The following ATAD3B variants were observed in gnomAD, a reference collection of about 807,000 sequenced individuals.
ATAD3B encodes the protein ATPase family AAA domain-containing protein 3B.
In ATAD3B, 59 loss-of-function variants were observed where a neutral mutation model predicts 70.2. That is an observed-to-expected ratio of 0.84 (90% CI 0.68 to 1.04). The LOEUF (loss-of-function observed/expected upper bound fraction) is 1.04. Among genes scored for constraint, ATAD3B ranks in the 50% least tolerant of loss-of-function variants. ATAD3B has a pLI of 0.00. For missense variants in ATAD3B, 961 were observed against 913.4 expected, an observed-to-expected ratio of 1.05 and a Z score of -0.67; for synonymous variants, 423 against 388.6, an observed-to-expected ratio of 1.09 and a Z score of -1.04.
intron 1 of ATAD3B, among the ~76,000 whole-genome samples, chr1:1,475,556 C>A (rs1466111998): frequency 6.6e-6 from 1 of 151,996 alleles, no homozygotes; most frequent in East Asian, 1.9e-4. Flanking sequence ...GGCTATAGCC[C>A]CATGCCGCCT....
intron 1 of ATAD3B, 135 bp downstream of exon 1, chr1:1,472,224 G>T (rs1293701370): frequency 6.3e-5 from 89 of 1,404,564 alleles, no homozygotes; most frequent in Non-Finnish European, 8.3e-5. Context: ...GAGCACCCCC[G>T]GCCGGAGCCG....
the ATAD3B span, among the ~76,000 whole-genome samples, chr1:1,505,481 T>TG: frequency 6.6e-6 from 1 of 152,112 alleles, no homozygotes; most frequent in Non-Finnish European, 1.5e-5. Context: ...CCACAAGAGG[T>TG]GGAGGAGTAG....
rs777194006 is a variant in ATAD3B, at chr1:1,488,415, A to G, written c.1266+501A>G. 2.0e-5 allele frequency among the ~76,000 whole-genome samples: 3 copies of G among 151,916 alleles called. 1 individual carries two copies. Among genetic ancestry groups the G allele is most frequent in the Non-Finnish European group, 4.4e-5 (3 of 67,938 alleles). On this transcript the variant is annotated intron_variant, in intron 12 of 15. Coordinates refer to ENST00000673477, the MANE Select transcript of ATAD3B (RefSeq NM_031921.6). ...TAATTTTTTTGTAACGTTAGTAGAGATGGAGTTTCCCACATTGTCCAGGCA... is the reference window on the plus strand; with the variant it reads ...TAATTTTTTTGTAACGTTAGTAGAGGTGGAGTTTCCCACATTGTCCAGGCA...
intron 13 of ATAD3B, chr1:1,489,747 C>T (rs984401519): frequency 2.1e-5 from 28 of 1,308,620 alleles, no homozygotes; most frequent in Admixed American, 6.9e-5. Context: ...GTGGCTGACT[C>T]TTCAGGCACG....
chr1:1,488,487 A>G (rs1640356843), intron 12 of ATAD3B, among the ~76,000 whole-genome samples: 4 of 152,082 alleles, frequency 2.6e-5, no homozygotes, highest in Admixed American at 2.6e-4. Context: ...TTGGCCTGGC[A>G]CAGTGGCTCA....
At chr1:1,505,813 A>G in the ATAD3B span, among the ~76,000 whole-genome samples, 1 of 152,226 alleles carries the variant, frequency 6.6e-6, no homozygotes, top group African/African-American at 2.4e-5. Flanking sequence ...CAATTGCTAC[A>G]AACTAATGAT....
intron 1 of ATAD3B, among the ~76,000 whole-genome samples, chr1:1,472,581 C>T (rs1002922204): frequency 1.3e-5 from 2 of 151,978 alleles, no homozygotes; most frequent in Non-Finnish European, 2.9e-5. Flanking sequence ...ATTTGCACGG[C>T]GAGGTCTGTG....
At chr1:1,494,269 C>T (rs975154132) in intron 15 of ATAD3B, among the ~76,000 whole-genome samples, 4 of 151,980 alleles carry the variant, frequency 2.6e-5, no homozygotes, top group South Asian at 2.1e-4. Context: ...GGAGGGGTGG[C>T]CCTGTGAGCA....
chr1:1,476,647 T>TA (rs746453979), intron 1 of ATAD3B, among the ~76,000 whole-genome samples: 4 of 150,122 alleles, frequency 2.7e-5, no homozygotes, highest in Non-Finnish European at 5.9e-5. Flanking sequence ...TAGCTAGGAC[T>TA]ACAAGTGCCC....
chr1:1,489,747 C>G, intron 13 of ATAD3B: 1 of 1,308,736 alleles, frequency 7.6e-7, no homozygotes, highest in South Asian at 1.2e-5. Context: ...GTGGCTGACT[C>G]TTCAGGCACG....
intron 1 of ATAD3B, among the ~76,000 whole-genome samples, chr1:1,473,177 T>A (rs1381433172): frequency 1.4e-5 from 2 of 138,460 alleles, no homozygotes; most frequent in Non-Finnish European, 3.1e-5. Flanking sequence ...TCTCGCTCTG[T>A]CGCCCAGGCT....
the ATAD3B span, among the ~76,000 whole-genome samples, chr1:1,508,292 G>A: frequency 2.0e-5 from 3 of 151,402 alleles, no homozygotes; most frequent in African/African-American, 4.9e-5. Flanking sequence ...GGCTCTTGGC[G>A]AGGGATGGGC....
At chr1:1,472,415 C>G (rs1011746732) in intron 1 of ATAD3B, among the ~76,000 whole-genome samples, 14 of 152,104 alleles carry the variant, frequency 9.2e-5, no homozygotes, top group African/African-American at 3.4e-4. Context: ...CTGCGCTTGC[C>G]GCCTCCACGT....
rs1639711489 is a variant in ATAD3B at position 1,478,410 on chromosome 1, C to T, written c.283-234C>T. 7.3e-6 allele frequency: 11 copies of T among 1,497,934 alleles called. 1 individual carries two copies. Among genetic ancestry groups the T allele is most frequent in the South Asian group, 1.3e-5 (1 of 74,738 alleles). 92.8% of individuals were successfully genotyped at this position (1,497,934 alleles called of 1,614,324 possible). On this transcript the variant is annotated intron_variant, in intron 2 of 15. Transcript: ENST00000673477. ...CTTGTGGGGTGGGGTTGGTGTCTGA[C>T]CTCCCTCCCCGGGGGCCTTCGCAGG...
At chr1:1,508,660 AC>A in the ATAD3B span, among the ~76,000 whole-genome samples, 1 of 151,478 alleles carries the variant, frequency 6.6e-6, no homozygotes, top group East Asian at 1.9e-4. Context: ...CTGAAGCGAC[AC>A]CGAGGGCCAC....
chr1:1,503,746 G>A, the ATAD3B span: 2 of 1,572,140 alleles, frequency 1.3e-6, no homozygotes, highest in Non-Finnish European at 1.7e-6. Flanking sequence ...CCGGTGGGTA[G>A]GGCTGGTGGC....
At chr1:1,473,566 T>C (rs1337246352) in intron 1 of ATAD3B, among the ~76,000 whole-genome samples, 1 of 149,778 alleles carries the variant, frequency 6.7e-6, no homozygotes, top group Non-Finnish European at 1.5e-5. Flanking sequence ...CGCCATCTTG[T>C]CTCACTGCAA....
At chr1:1,504,780 T>C in the ATAD3B span, among the ~76,000 whole-genome samples, 2 of 152,206 alleles carry the variant, frequency 1.3e-5, no homozygotes, top group Non-Finnish European at 2.9e-5. Flanking sequence ...AGTCCCTCCC[T>C]GTGGAGTGTT....
chr1:1,480,498 G>A (rs906737470), intron 4 of ATAD3B, among the ~76,000 whole-genome samples: 2 of 147,444 alleles, frequency 1.4e-5, no homozygotes, highest in African/African-American at 2.5e-5. Flanking sequence ...CGCAGGCGGG[G>A]TTCACATGTT....
Sources: allele counts gnomAD v4.1 joint callset (sites outside exome capture counted in the v4.1 genomes callset), GRCh38; gene constraint gnomAD v4.1.1; transcripts MANE v1.5; gene names NCBI Gene and HGNC (gene_info 2026-07-23, HGNC 2026-07-21).